ARFGAP3: variants seen among roughly 807,000 people sequenced by gnomAD.
The protein encoded by ARFGAP3 is ARF GTPase activating protein 3.
A neutral mutation model predicts 75.0 loss-of-function variants in ARFGAP3; 72 were observed. The ratio of observed to expected loss-of-function variants is 0.96; its 90% CI spans 0.79 to 1.17. The LOEUF (loss-of-function observed/expected upper bound fraction) is 1.17. ARFGAP3 is among the 50% of genes most tolerant of loss of function. The pLI is 0.00. For missense variants in ARFGAP3, 620 were observed against 626.6 expected, an observed-to-expected ratio of 0.99 and a Z score of 0.11; for synonymous variants, 221 against 217.9, an observed-to-expected ratio of 1.01 and a Z score of -0.13.
At chr22:42,814,554 T>C (rs1925498411) in intron 11 of ARFGAP3, among the ~76,000 whole-genome samples, 1 of 152,226 alleles carries the variant, frequency 6.6e-6, no homozygotes. Context: ...TCTAACTCTT[T>C]TGATTAAGCC....
intron 11 of ARFGAP3, among the ~76,000 whole-genome samples, chr22:42,816,371 G>A (rs1925580179): frequency 6.6e-6 from 1 of 152,180 alleles, no homozygotes; most frequent in Non-Finnish European, 1.5e-5. Context: ...TGAAAGCCAG[G>A]ATTCAAATCC....
intron 4 of ARFGAP3, 44 bp downstream of exon 4, chr22:42,835,318 T>C: frequency 6.3e-7 from 1 of 1,592,018 alleles, no homozygotes; most frequent in Non-Finnish European, 8.5e-7. Flanking sequence ...TTCTATGAAG[T>C]GAACATGTAT....
intron 6 of ARFGAP3, among the ~76,000 whole-genome samples, chr22:42,829,324 C>A (rs1926182898): frequency 6.6e-6 from 1 of 152,152 alleles, no homozygotes; most frequent in Admixed American, 6.6e-5. Context: ...TGCTCGTTGG[C>A]TGGTCTTAAA....
At chr22:42,831,119 G>A (rs1021730409) in intron 6 of ARFGAP3, among the ~76,000 whole-genome samples, 13 of 151,850 alleles carry the variant, frequency 8.6e-5, no homozygotes, top group Non-Finnish European at 2.9e-5. Flanking sequence ...GGCCAACATG[G>A]TGAAATCATG....
At chr22:42,854,984 C>T (rs1016396586) in intron 1 of ARFGAP3, among the ~76,000 whole-genome samples, 6 of 152,226 alleles carry the variant, frequency 3.9e-5, no homozygotes, top group African/African-American at 1.4e-4. Flanking sequence ...TGTTCTTCAT[C>T]ATAAAAACAG....
chr22:42,806,337 A>C (rs1239807463), intron 14 of ARFGAP3, among the ~76,000 whole-genome samples: 7 of 152,306 alleles, frequency 4.6e-5, no homozygotes, highest in Middle Eastern at 6.8e-3. Context: ...GGGGAGGGGA[A>C]GTCGAAGCAG....
At chr22:42,817,670 T>C (rs1602102854) in intron 10 of ARFGAP3, 59 bp downstream of exon 10, 2 of 1,367,558 alleles carry the variant, frequency 1.5e-6, no homozygotes, top group East Asian at 4.8e-5. Context: ...CCAAGAAAAA[T>C]CCACTGATGA....
At chr22:42,801,379 A>G (rs559168997) in intron 14 of ARFGAP3, among the ~76,000 whole-genome samples, 1 of 152,332 alleles carries the variant, frequency 6.6e-6, no homozygotes, top group East Asian at 1.9e-4. Flanking sequence ...AGGACAGGCC[A>G]GGTGACTCTG....
chr22:42,803,594 C>T (rs1356902338), intron 14 of ARFGAP3, among the ~76,000 whole-genome samples: 7 of 152,230 alleles, frequency 4.6e-5, no homozygotes, highest in African/African-American at 1.4e-4. Context: ...GAGTGCCTCA[C>T]GCCTGCCTGA....
intron 8 of ARFGAP3, among the ~76,000 whole-genome samples, chr22:42,823,407 C>A (rs1197587071): frequency 6.6e-6 from 1 of 151,832 alleles, no homozygotes; most frequent in Admixed American, 6.6e-5. Flanking sequence ...TCCCAGGGGA[C>A]CTTTGTTAAT....
At chr22:42,837,884 C>G (rs1343394854) in intron 3 of ARFGAP3, among the ~76,000 whole-genome samples, 1 of 151,304 alleles carries the variant, frequency 6.6e-6, no homozygotes, top group Non-Finnish European at 1.5e-5. Flanking sequence ...GTTGTCCAGG[C>G]TGGTCTTGAA....
At chr22:42,849,808 C>T (rs1927194449) in intron 1 of ARFGAP3, among the ~76,000 whole-genome samples, 1 of 151,914 alleles carries the variant, frequency 6.6e-6, no homozygotes, top group African/African-American at 2.4e-5. Flanking sequence ...CAATTTGGGC[C>T]CTCTCGGCCT....
chr22:42,846,644 T>C (rs2146583306), intron 2 of ARFGAP3, among the ~76,000 whole-genome samples: 2 of 152,350 alleles, frequency 1.3e-5, no homozygotes, highest in African/African-American at 4.8e-5. Context: ...ACTCAGGCTT[T>C]GTGATATTAG....
intron 6 of ARFGAP3, among the ~76,000 whole-genome samples, chr22:42,827,400 C>T (rs545139071): frequency 7.6e-4 from 116 of 152,236 alleles, no homozygotes; most frequent in African/African-American, 2.7e-3. Flanking sequence ...GAATTTCACT[C>T]TTCTTACCCA....
At chr22:42,832,172 A>C (rs1448764821) in intron 5 of ARFGAP3, among the ~76,000 whole-genome samples, 1 of 141,678 alleles carries the variant, frequency 7.1e-6, no homozygotes, top group Non-Finnish European at 1.6e-5. Flanking sequence ...CAAAAAAAAA[A>C]AAAAAACCCA....
At chr22:42,839,704 T>TA (rs1926695589) in intron 3 of ARFGAP3, among the ~76,000 whole-genome samples, 1 of 152,140 alleles carries the variant, frequency 6.6e-6, no homozygotes, top group Non-Finnish European at 1.5e-5. Context: ...CCCCAGTTAT[T>TA]AAAAAACTAT....
intron 2 of ARFGAP3, chr22:42,841,252 G>C (rs1295281704): frequency 4.3e-6 from 1 of 233,392 alleles, no homozygotes; most frequent in Non-Finnish European, 7.0e-6. Flanking sequence ...CATGACAAGT[G>C]TCAGCGGGCT....
At chr22:42,810,751 A>T in intron 12 of ARFGAP3, 62 bp downstream of exon 12, 1 of 1,446,132 alleles carries the variant, frequency 6.9e-7, no homozygotes, top group South Asian at 1.2e-5. Flanking sequence ...TCATGTTATC[A>T]GCAATTTTTT....
chr22:42,800,371 A>C (rs1035084448), intron 14 of ARFGAP3, among the ~76,000 whole-genome samples: 3 of 152,126 alleles, frequency 2.0e-5, no homozygotes, highest in Admixed American at 1.3e-4. Context: ...CTCTACTAAA[A>C]ATACAAAAAA....
Sources: allele counts gnomAD v4.1 joint callset (sites outside exome capture counted in the v4.1 genomes callset), GRCh38; gene constraint gnomAD v4.1.1; transcripts MANE v1.5; gene names NCBI Gene and HGNC (gene_info 2026-07-23, HGNC 2026-07-21).